The following SEPTIN9 variants were observed in gnomAD, a reference collection of about 807,000 sequenced individuals.
SEPTIN9 encodes septin-9.
In SEPTIN9, 13 loss-of-function variants were observed where a neutral mutation model predicts 56.6. That is an observed-to-expected ratio of 0.23 (90% CI 0.15 to 0.37). The LOEUF (loss-of-function observed/expected upper bound fraction) is 0.37. Among genes scored for constraint, SEPTIN9 ranks in the 10% least tolerant of loss-of-function variants. The probability of loss-of-function intolerance (pLI) is 1.00; values close to 1 mark genes in which losing one functional copy is unlikely to be tolerated. For synonymous variants in SEPTIN9, 332 were observed against 334.1 expected (o/e 0.99, Z 0.07); for missense variants, 650 against 823.1 (o/e 0.79, Z 2.57).
chr17:77,414,869 C>T (rs567412509), intron 3 of SEPTIN9, among the ~76,000 whole-genome samples: 5 of 152,278 alleles, frequency 3.3e-5, no homozygotes, highest in Admixed American at 6.5e-5. Flanking sequence ...TGAGCTACTG[C>T]GCCTGGCCGA....
intron 2 of SEPTIN9, among the ~76,000 whole-genome samples, chr17:77,340,685 A>G (rs556337387): frequency 2.6e-5 from 4 of 152,324 alleles, no homozygotes; most frequent in Admixed American, 2.0e-4. Context: ...CCCTCTAGCT[A>G]TGAAAATCCT....
At chr17:77,416,577 G>T (rs921110564) in intron 3 of SEPTIN9, among the ~76,000 whole-genome samples, 1 of 152,218 alleles carries the variant, frequency 6.6e-6, no homozygotes. Flanking sequence ...TGAGGATGCG[G>T]TGGGAGGAAG....
rs1220332183 is a variant in SEPTIN9 at position 77,484,844 on chromosome 17, ATGG to A, written c.913+2515_913+2517del. ...GATGGTGGTGGCGATGGTGGTTGTG[ATGG>A]TGGTGATGTGGGTGGTGGTGATTGT... On this transcript the variant is annotated intron_variant, in intron 4 of 11. Transcript: ENST00000427177. Among the ~76,000 whole-genome samples the A allele has an allele frequency of 1.5e-3, 123 of 83,524 alleles. 6 individuals carry two copies. The highest frequency in any genetic ancestry group is 5.1e-3 in the African/African-American group (103 of 20,388). 54.8% of individuals were successfully genotyped at this position (83,524 alleles called of 152,430 possible). A position where few individuals can be genotyped will look rare whatever the true frequency, so the allele number is the denominator to read the frequency against.
intron 2 of SEPTIN9, among the ~76,000 whole-genome samples, chr17:77,353,995 T>C (rs1424040432): frequency 6.6e-6 from 1 of 151,968 alleles, no homozygotes; most frequent in African/African-American, 2.4e-5. Flanking sequence ...CCCACAAGGG[T>C]CCCTAGAACA....
At chr17:77,439,770 G>C (rs776427749) in intron 3 of SEPTIN9, among the ~76,000 whole-genome samples, 7 of 152,176 alleles carry the variant, frequency 4.6e-5, no homozygotes, top group Non-Finnish European at 8.8e-5. Context: ...CGGCTTCCCT[G>C]AGAGCCCCGC....
rs2037021984 is a variant in SEPTIN9 at position 77,429,023 on chromosome 17, G to A, written c.721+26320G>A. On this transcript the variant is annotated intron_variant, in intron 3 of 11. Transcript: ENST00000427177. The surrounding 1 kb of genome is among the most constrained non-coding windows in gnomAD (Gnocchi z 5.2). ...CAGAGGAGGCAGCCGGTGAGAATGG[G>A]AGCATCTCAGCAGCCCTCCGCCCCC... is the stretch of plus-strand genomic sequence containing the variant. The A allele has an allele frequency of 2.1e-6, 1 of 471,328 alleles. No individual in the cohort carries two copies. The allele number at this position is 471,328 out of a possible 1,614,324, so 29.2% of individuals were successfully genotyped here. A position where few individuals can be genotyped will look rare whatever the true frequency, so the allele number is the denominator to read the frequency against.
chr17:77,431,196 C>G (rs539767117), intron 3 of SEPTIN9, among the ~76,000 whole-genome samples: 165 of 152,264 alleles, frequency 1.1e-3, no homozygotes, highest in Middle Eastern at 3.4e-3. Context: ...GTAGTCCCAG[C>G]TCCTCAGGAG....
rs1255567131 is a variant in SEPTIN9 at position 77,389,136 on chromosome 17, G to C, written c.77-12923G>C. On this transcript the variant is annotated intron_variant, in intron 2 of 11. Coordinates refer to ENST00000427177, the MANE Select transcript of SEPTIN9 (RefSeq NM_001113491.2). The surrounding 1 kb of genome is among the most constrained non-coding windows in gnomAD (Gnocchi z 4.3). The stretch of plus-strand genomic sequence containing the variant: ...CATCCATGGGAAGAAGCACCGAGCA[G>C]CCTTGCTGGCTCCTCGCAGGGAGCT... Among the ~76,000 whole-genome samples, 2 of 152,182 alleles carry C rather than the reference G, an allele frequency of 1.3e-5. No individual in the cohort carries two copies. Among genetic ancestry groups the C allele is most frequent in the Non-Finnish European group, 2.9e-5 (2 of 68,034 alleles).
intron 2 of SEPTIN9, among the ~76,000 whole-genome samples, chr17:77,364,427 G>A (rs914315950): frequency 4.6e-5 from 7 of 152,258 alleles, no homozygotes; most frequent in African/African-American, 7.2e-5. Flanking sequence ...GAGTGGAAGC[G>A]TCCCACTCCT....
At chr17:77,392,952 A>T (rs1375462072) in intron 2 of SEPTIN9, among the ~76,000 whole-genome samples, 3 of 151,750 alleles carry the variant, frequency 2.0e-5, no homozygotes, top group Middle Eastern at 3.2e-3. Flanking sequence ...TCCTGAGAAC[A>T]CACCCCTCCC....
chr17:77,373,431 G>T (rs2034792817), intron 2 of SEPTIN9: 2 of 1,457,756 alleles, frequency 1.4e-6, no homozygotes, highest in Non-Finnish European at 1.8e-6. Flanking sequence ...AGCGCGCAGG[G>T]CCCGGGCCCC....
intron 3 of SEPTIN9, among the ~76,000 whole-genome samples, chr17:77,411,578 T>C (rs374863977): frequency 9.2e-5 from 14 of 151,912 alleles, no homozygotes; most frequent in East Asian, 3.9e-4. Context: ...ATTTTTGTAT[T>C]TTTAGTAGAG....
chr17:77,401,730 A>G (rs1005176668), intron 2 of SEPTIN9, among the ~76,000 whole-genome samples: 5 of 151,928 alleles, frequency 3.3e-5, no homozygotes, highest in Admixed American at 6.6e-5. Context: ...CAAAAAAAAA[A>G]AGAAGGAAAT....
At chr17:77,363,035 A>G (rs1386550469) in intron 2 of SEPTIN9, among the ~76,000 whole-genome samples, 2 of 152,206 alleles carry the variant, frequency 1.3e-5, no homozygotes, top group Non-Finnish European at 2.9e-5. Context: ...AAGTGGCGTG[A>G]GAGGAGGCAG....
chr17:77,466,236 T>C (rs1000321429), intron 3 of SEPTIN9, among the ~76,000 whole-genome samples: 8 of 152,348 alleles, frequency 5.3e-5, no homozygotes, highest in Non-Finnish European at 8.8e-5. Context: ...CAGTTTGCAC[T>C]GTAGTCTGTT....
Position 77,324,819 on chromosome 17 carries a change from A to AT in SEPTIN9, c.76+17639dup, listed in dbSNP as rs71160225. Among the ~76,000 whole-genome samples, 356 of 130,274 alleles carry AT rather than the reference A, an allele frequency of 2.7e-3. 19 individuals carry two copies. The highest frequency in any genetic ancestry group is 5.3e-3 in the African/African-American group (180 of 33,776). The allele number at this position is 130,274 out of a possible 152,430, so 85.5% of individuals were successfully genotyped here. ...CGTTGTTAGTGCCCTTTGATATGCA[A>AT]TTTTTTTTTTTTTTTTTGAGATGGA... On this transcript the variant is annotated intron_variant, in intron 2 of 11. Transcript: ENST00000427177.
chr17:77,488,448 C>A, intron 6 of SEPTIN9, 127 bp downstream of exon 6: 1 of 916,202 alleles, frequency 1.1e-6, no homozygotes, highest in Non-Finnish European at 1.7e-6. Context: ...ACCTGACATG[C>A]TGCCAAAGCC....
Position 77,331,392 on chromosome 17 carries a change from T to C in SEPTIN9, c.76+24195T>C, listed in dbSNP as rs145331616. Among the ~76,000 whole-genome samples, 1,072 of 151,466 alleles carry C rather than the reference T, an allele frequency of 7.1e-3. 14 individuals carry two copies. Among genetic ancestry groups the C allele is most frequent in the African/African-American group, 0.025 (1,012 of 41,200 alleles). The stretch of plus-strand genomic sequence containing the variant: ...TCTTGGACTGTGCCTGTGTGATATG[T>C]TTGTCGAGCGGGGGCGGTGTCCACT... On this transcript the variant is annotated intron_variant, in intron 2 of 11. Coordinates refer to ENST00000427177, the MANE Select transcript of SEPTIN9 (RefSeq NM_001113491.2).
At chr17:77,479,227 G>A (rs1051835122) in intron 3 of SEPTIN9, among the ~76,000 whole-genome samples, 13 of 152,220 alleles carry the variant, frequency 8.5e-5, no homozygotes, top group East Asian at 1.9e-4. Flanking sequence ...GGCCTCGGAC[G>A]GTGTCGTGGT....
Sources: gnomAD v4.1 joint callset for allele counts (sites outside exome capture counted in the v4.1 genomes callset) on GRCh38, gnomAD v4.1.1 for gene constraint, Gnocchi (gnomAD v3.1) non-coding constraint, MANE v1.5 for transcripts, NCBI Gene and HGNC (gene_info 2026-07-23, HGNC 2026-07-21) for gene names.